Variants in PPP2R2B observed in about 807,000 individuals in gnomAD.
PPP2R2B encodes the protein protein phosphatase 2 regulatory subunit Bbeta.
In PPP2R2B, 5 loss-of-function variants were observed where a neutral mutation model predicts 46.0. The observed-to-expected ratio is 0.11, with a 90% CI of 0.06 to 0.23. The LOEUF (loss-of-function observed/expected upper bound fraction) is 0.23, where lower values mean the gene tolerates loss of function less well. Among genes scored for constraint, PPP2R2B ranks in the 10% least tolerant of loss-of-function variants. The probability of loss-of-function intolerance (pLI) is 1.00; values close to 1 mark genes in which losing one functional copy is unlikely to be tolerated. For missense variants in PPP2R2B, 367 were observed against 575.0 expected (o/e 0.64, Z 3.70); for synonymous variants, 215 against 206.7 (o/e 1.04, Z -0.34).
Position 146,589,934 on chromosome 5 carries a change from A to ATAAC in PPP2R2B, c.*9_*12dup. 6.2e-7 allele frequency: 1 copy of ATAAC among 1,609,074 alleles called. No homozygotes were observed. Reference sequence around the variant, plus strand: ...ATTCAGTATGTGAGATTATTAAGTAATAACTTGTCCACCTAGTTAACCTTG... The same window carrying ATAAC: ...ATTCAGTATGTGAGATTATTAAGTAATAACTAACTTGTCCACCTAGTTAACCTTG... On this transcript the variant is annotated 3_prime_UTR_variant, in exon 10 of 10. Transcript: ENST00000394411.
At chr5:147,038,846 C>A (rs1056049734) in intron 1 of PPP2R2B, among the ~76,000 whole-genome samples, 1 of 152,048 alleles carries the variant, frequency 6.6e-6, no homozygotes, top group Admixed American at 6.6e-5. Flanking sequence ...CAAATTATCC[C>A]CTTGTAGGAT....
intron 9 of PPP2R2B, chr5:146,592,142 C>CT: frequency 2.2e-6 from 1 of 446,738 alleles, no homozygotes; most frequent in Non-Finnish European, 4.5e-6. Context: ...TGTCCTATAC[C>CT]AACTGGTCAG....
intron 3 of PPP2R2B, among the ~76,000 whole-genome samples, chr5:146,699,661 G>GTTTT (rs11388336): frequency 0.018 from 2,141 of 117,980 alleles, 79 homozygotes; most frequent in African/African-American, 0.064. Flanking sequence ...AACTTAATTG[G>GTTTT]TTTTTTTTTT....
chr5:147,074,810 T>G (rs1353551669), intron 2 of PPP2R2B, among the ~76,000 whole-genome samples: 1 of 152,184 alleles, frequency 6.6e-6, no homozygotes, highest in African/African-American at 2.4e-5. Context: ...ATTGATGTTT[T>G]TCTCTCATTA....
intron 6 of PPP2R2B, among the ~76,000 whole-genome samples, chr5:146,642,140 G>C (rs1775264084): frequency 6.6e-6 from 1 of 152,234 alleles, no homozygotes; most frequent in African/African-American, 2.4e-5. Context: ...GGACAGGAGG[G>C]GGCATAGCCA....
chr5:147,060,407 A>G (rs2151907187), upstream of PPP2R2B, among the ~76,000 whole-genome samples: 1 of 152,238 alleles, frequency 6.6e-6, no homozygotes, highest in East Asian at 1.9e-4. Flanking sequence ...TGGGCAGATC[A>G]CTTGAACTCA....
chr5:146,706,816 G>C (rs1246871459), intron 2 of PPP2R2B: 9 of 914,696 alleles, frequency 9.8e-6, no homozygotes, highest in Non-Finnish European at 1.6e-5. Context: ...CGATCTCCTC[G>C]TACTGTACCT....
Position 146,953,362 on chromosome 5 carries a change from G to T in PPP2R2B, c.79+102303C>A, listed in dbSNP as rs1433602183. Among the ~76,000 whole-genome samples, 9 of 152,200 alleles carry T rather than the reference G, an allele frequency of 5.9e-5. 1 individual carries two copies. Among genetic ancestry groups the T allele is most frequent in the Admixed American group, 5.9e-4 (9 of 15,244 alleles). On this transcript the variant is annotated intron_variant, in intron 1 of 8. Coordinates refer to the PPP2R2B transcript ENST00000336640. ...GTTCATTTGCAAGGTTGCTACCAAG[G>T]TATACGGGGTATAATTTTATCATCC...
intron 5 of PPP2R2B, among the ~76,000 whole-genome samples, chr5:146,669,138 C>T (rs1252936461): frequency 6.6e-6 from 1 of 152,074 alleles, no homozygotes; most frequent in African/African-American, 2.4e-5. Context: ...TACCTGACTT[C>T]CACCTATTTT....
chr5:146,834,589 C>T (rs751939216), intron 2 of PPP2R2B, among the ~76,000 whole-genome samples: 18 of 152,162 alleles, frequency 1.2e-4, no homozygotes, highest in African/African-American at 1.9e-4. Context: ...AAAAGTCATA[C>T]ATCTTTATTA....
intron 2 of PPP2R2B, among the ~76,000 whole-genome samples, chr5:146,825,579 G>C (rs188120419): frequency 6.6e-6 from 1 of 152,136 alleles, no homozygotes; most frequent in South Asian, 2.1e-4. Context: ...AAGTGTAAGG[G>C]TTAAAGAAAT....
chr5:146,768,693 A>G (rs1274286429), intron 2 of PPP2R2B, among the ~76,000 whole-genome samples: 1 of 152,082 alleles, frequency 6.6e-6, no homozygotes, highest in African/African-American at 2.4e-5. Context: ...ACCATCTGAC[A>G]TTGGGCCCAC....
At chr5:146,938,285 A>G (rs1195363175) in intron 1 of PPP2R2B, among the ~76,000 whole-genome samples, 1 of 152,212 alleles carries the variant, frequency 6.6e-6, no homozygotes, top group Admixed American at 6.5e-5. Flanking sequence ...ATGTGTCTTT[A>G]AAGAGAAAAT....
chr5:147,067,920 C>T (rs1757463142), intron 2 of PPP2R2B, among the ~76,000 whole-genome samples: 1 of 152,160 alleles, frequency 6.6e-6, no homozygotes, highest in Non-Finnish European at 1.5e-5. Context: ...GACATCGTGT[C>T]TGTAGAACTG....
At chr5:146,820,377 C>A (rs1758184404) in intron 2 of PPP2R2B, among the ~76,000 whole-genome samples, 1 of 152,040 alleles carries the variant, frequency 6.6e-6, no homozygotes, top group Non-Finnish European at 1.5e-5. Context: ...AAAACAAAAA[C>A]CATGCTAGGT....
intron 1 of PPP2R2B, among the ~76,000 whole-genome samples, chr5:146,963,683 T>C (rs1302356630): frequency 6.6e-6 from 1 of 152,188 alleles, no homozygotes; most frequent in Non-Finnish European, 1.5e-5. Context: ...CTAATGTTAT[T>C]ATCCCCATTT....
intron 1 of PPP2R2B, among the ~76,000 whole-genome samples, chr5:146,971,152 T>A (rs565542451): frequency 8.5e-5 from 13 of 152,344 alleles, no homozygotes; most frequent in African/African-American, 3.1e-4. Flanking sequence ...ATCTTTTCAT[T>A]GATAGCATCA....
chr5:146,981,917 G>A (rs755404227), intron 1 of PPP2R2B, among the ~76,000 whole-genome samples: 1 of 152,168 alleles, frequency 6.6e-6, no homozygotes, highest in Non-Finnish European at 1.5e-5. Flanking sequence ...AACTTGCCCA[G>A]AAGTCAAACC....
chr5:146,717,573 T>C (rs1780564678), intron 2 of PPP2R2B, among the ~76,000 whole-genome samples: 1 of 152,212 alleles, frequency 6.6e-6, no homozygotes, highest in Non-Finnish European at 1.5e-5. Context: ...GACTCAACAC[T>C]GGCCACAATC....
Sources: gnomAD v4.1 joint callset for allele counts (sites outside exome capture counted in the v4.1 genomes callset) on GRCh38, gnomAD v4.1.1 for gene constraint, MANE v1.5 for transcripts, NCBI Gene and HGNC (gene_info 2026-07-23, HGNC 2026-07-21) for gene names.